Variants in BABAM2 observed in about 807,000 individuals in gnomAD.
BABAM2 encodes BRISC and BRCA1-A complex member 2.
A neutral mutation model predicts 54.7 loss-of-function variants in BABAM2; 31 were observed. That is an observed-to-expected ratio of 0.57 (90% CI 0.43 to 0.77). The LOEUF (loss-of-function observed/expected upper bound fraction) is 0.77, where lower values mean the gene tolerates loss of function less well. Ranked by LOEUF, BABAM2 falls within the 30% of genes least tolerant of loss-of-function variation. The pLI, the probability that BABAM2 is intolerant of heterozygous loss-of-function variation, is 0.00. For missense variants in BABAM2, 364 were observed against 455.8 expected (o/e 0.80, Z 1.83); for synonymous variants, 167 against 162.9 (o/e 1.03, Z -0.19).
intron 1 of BABAM2, among the ~76,000 whole-genome samples, chr2:27,892,969 C>G (rs1188945439): frequency 6.6e-6 from 1 of 152,066 alleles, no homozygotes; most frequent in African/African-American, 2.4e-5. Flanking sequence ...ATTTTTTGAG[C>G]TATCAAATTA....
intron 11 of BABAM2, among the ~76,000 whole-genome samples, chr2:28,313,206 A>G (rs1689233613): frequency 6.6e-6 from 1 of 150,544 alleles, no homozygotes; most frequent in South Asian, 2.1e-4. Flanking sequence ...CTGAGAGTCT[A>G]AAAACCAAGT....
At chr2:28,026,842 A>AG (rs1558667071) in intron 5 of BABAM2, among the ~76,000 whole-genome samples, 8 of 55,666 alleles carry the variant, frequency 1.4e-4, no homozygotes, top group African/African-American at 4.7e-4. Context: ...AAATATATAT[A>AG]AATATATATT....
intron 7 of BABAM2, among the ~76,000 whole-genome samples, chr2:28,171,514 G>A (rs891222517): frequency 1.9e-4 from 29 of 152,124 alleles, no homozygotes; most frequent in Non-Finnish European, 3.5e-4. Flanking sequence ...TGGAGGGGAC[G>A]GGCTGTCCTT....
intron 7 of BABAM2, among the ~76,000 whole-genome samples, chr2:28,136,505 T>C (rs1670553783): frequency 6.6e-6 from 1 of 152,246 alleles, no homozygotes; most frequent in Non-Finnish European, 1.5e-5. Flanking sequence ...GCTGTGACAC[T>C]ATGTGCATGT....
chr2:27,920,649 T>G (rs963781784), intron 2 of BABAM2, among the ~76,000 whole-genome samples: 2 of 152,190 alleles, frequency 1.3e-5, no homozygotes, highest in African/African-American at 4.8e-5. Flanking sequence ...TGTTAAATAT[T>G]GTTGGTTTAG....
intron 5 of BABAM2, among the ~76,000 whole-genome samples, chr2:28,043,743 T>G (rs76244994): frequency 7.7e-4 from 118 of 152,324 alleles, no homozygotes; most frequent in African/African-American, 2.7e-3. Flanking sequence ...CACCTTTTGG[T>G]AATCTTGGAC....
At chr2:28,257,834 A>G (rs1684097210) in intron 10 of BABAM2, among the ~76,000 whole-genome samples, 1 of 152,188 alleles carries the variant, frequency 6.6e-6, no homozygotes, top group South Asian at 2.1e-4. Context: ...GCAGTAAGCC[A>G]TGTTCATACC....
intron 7 of BABAM2, among the ~76,000 whole-genome samples, chr2:28,228,129 C>T (rs1405196701): frequency 6.6e-6 from 1 of 152,214 alleles, no homozygotes; most frequent in Non-Finnish European, 1.5e-5. Flanking sequence ...GAAACCTGTG[C>T]TAATCTCATC....
At chr2:28,080,439 A>G (rs1031308130) in intron 6 of BABAM2, among the ~76,000 whole-genome samples, 2 of 152,200 alleles carry the variant, frequency 1.3e-5, no homozygotes, top group Non-Finnish European at 2.9e-5. Context: ...AAATTTGTCT[A>G]TAGGATAGAC....
chr2:28,329,102 C>A lies in BABAM2; in HGVS notation c.1089-9348C>A, dbSNP rs190673366. ...GAGCATTTCCCTGATAGCTCCCTGT[C>A]TTAACTTTCTTCAGTCTCCTGATTT... On this transcript the variant is annotated intron_variant, in intron 11 of 11. Coordinates refer to ENST00000379624, the MANE Select transcript of BABAM2 (RefSeq NM_199191.3). This position sits in a 1 kb window ranked among gnomAD's most constrained non-coding sequence, Gnocchi z 4.2. Among the ~76,000 whole-genome samples, 20 of 152,306 alleles carry A rather than the reference C, an allele frequency of 1.3e-4. No individual in the cohort carries two copies. Among genetic ancestry groups the A allele is most frequent in the Admixed American group, 1.1e-3 (17 of 15,296 alleles).
intron 3 of BABAM2, among the ~76,000 whole-genome samples, chr2:27,980,944 A>G (rs1490443565): frequency 1.3e-5 from 2 of 152,110 alleles, no homozygotes; most frequent in Non-Finnish European, 2.9e-5. Context: ...GGTGATGGAT[A>G]TCTCAATTTC....
intron 7 of BABAM2, among the ~76,000 whole-genome samples, chr2:28,215,196 A>G (rs898830724): frequency 6.6e-6 from 1 of 152,178 alleles, no homozygotes; most frequent in Middle Eastern, 3.2e-3. Context: ...TGAGGTAGGT[A>G]GAGAGCAAGG....
chr2:28,262,135 A>G (rs574771220), intron 10 of BABAM2, among the ~76,000 whole-genome samples: 1 of 152,328 alleles, frequency 6.6e-6, no homozygotes, highest in African/African-American at 2.4e-5. Context: ...CACAGAGGGA[A>G]GAAATCTTAG....
intron 3 of BABAM2, among the ~76,000 whole-genome samples, chr2:27,944,023 TAA>T (rs1261181506): frequency 1.3e-5 from 2 of 152,182 alleles, no homozygotes; most frequent in African/African-American, 4.8e-5. Flanking sequence ...TTTAAATTTA[TAA>T]AGTCAGTTTA....
At chr2:28,221,845 G>A (rs114267063) in intron 7 of BABAM2, among the ~76,000 whole-genome samples, 1,910 of 152,290 alleles carry the variant, frequency 0.013, 22 homozygotes, top group Middle Eastern at 0.034. Flanking sequence ...TGGTGTGTTT[G>A]TTGTTCAGGC....
intron 10 of BABAM2, among the ~76,000 whole-genome samples, chr2:28,253,918 G>T (rs771023615): frequency 6.6e-6 from 1 of 152,162 alleles, no homozygotes; most frequent in Non-Finnish European, 1.5e-5. Flanking sequence ...CAAACTACTG[G>T]CTCAAGGTAG....
At chr2:28,301,273 A>G (rs1020002268) in intron 11 of BABAM2, among the ~76,000 whole-genome samples, 1 of 152,194 alleles carries the variant, frequency 6.6e-6, no homozygotes, top group African/African-American at 2.4e-5. Context: ...ATTCTAAACA[A>G]TGTAACCTCA....
At chr2:28,088,900 T>C (rs531674687) in intron 6 of BABAM2, among the ~76,000 whole-genome samples, 1 of 152,310 alleles carries the variant, frequency 6.6e-6, no homozygotes, top group East Asian at 1.9e-4. Flanking sequence ...TCTGTGTGTG[T>C]GTACCTGCCT....
chr2:28,182,249 G>A (rs1026924875), intron 7 of BABAM2, among the ~76,000 whole-genome samples: 3 of 152,154 alleles, frequency 2.0e-5, no homozygotes, highest in Admixed American at 1.3e-4. Flanking sequence ...GCGTGTGCAG[G>A]GATGTGTCAG....
Sources: gnomAD v4.1 joint callset for allele counts (sites outside exome capture counted in the v4.1 genomes callset) on GRCh38, gnomAD v4.1.1 for gene constraint, Gnocchi (gnomAD v3.1) non-coding constraint, MANE v1.5 for transcripts, NCBI Gene and HGNC (gene_info 2026-07-23, HGNC 2026-07-21) for gene names.